The following AHRR variants were observed in gnomAD, a reference collection of about 807,000 sequenced individuals.
AHRR encodes aryl hydrocarbon receptor repressor, also known as ahR repressor.
In AHRR, 28 loss-of-function variants were observed where a neutral mutation model predicts 44.0. The observed-to-expected ratio is 0.64, with a 90% CI of 0.47 to 0.87. The LOEUF (loss-of-function observed/expected upper bound fraction) is 0.87. Among genes scored for constraint, AHRR ranks in the 40% least tolerant of loss-of-function variants. The pLI, the probability that AHRR is intolerant of heterozygous loss-of-function variation, is 0.00. For synonymous variants in AHRR, 434 were observed against 407.0 expected (o/e 1.07, Z -0.80); for missense variants, 990 against 953.9 (o/e 1.04, Z -0.50).
In AHRR at chr5:415,269, C is replaced by T. The variant is rs552928216; in HGVS notation, c.441+1836C>T. Among the ~76,000 whole-genome samples, 20 of 152,322 alleles carry T rather than the reference C, an allele frequency of 1.3e-4. 1 individual carries two copies. In the South Asian group the frequency reaches 4.1e-3, roughly 32 times the overall value. ...GCCAGCATTCACGCTGAGCCAGAGG[C>T]AGCACACGGTGATTAAAGCAAAAAT... is the stretch of plus-strand genomic sequence containing the variant. On this transcript the variant is annotated intron_variant, in intron 5 of 10. Transcript: ENST00000684583.
At chr5:426,645 A>G (rs867074404) in intron 7 of AHRR, among the ~76,000 whole-genome samples, 7 of 138,598 alleles carry the variant, frequency 5.1e-5, no homozygotes, top group Admixed American at 7.1e-5. Context: ...ATGGATGGAT[A>G]GATAGAAAGA....
rs559270149 is a variant in AHRR at position 326,286 on chromosome 5, G to A, written c.-11+4467G>A. ...CCTGCTCCCAGGTCCTGGCCACCAC[G>A]AACCTTTTTATCTGAGTTTGCCTAC... On this transcript the variant is annotated intron_variant, in intron 1 of 10. Transcript: ENST00000684583. The surrounding 1 kb of genome is among the most constrained non-coding windows in gnomAD (Gnocchi z 4.1). Among the ~76,000 whole-genome samples, 3 of 152,314 alleles carry A rather than the reference G, an allele frequency of 2.0e-5. No individual in the cohort carries two copies. The highest frequency in any genetic ancestry group is 6.5e-5 in the Admixed American group (1 of 15,296).
At chr5:403,863 A>T in intron 4 of AHRR, 1 of 1,588,168 alleles carries the variant, frequency 6.3e-7, no homozygotes, top group Non-Finnish European at 8.6e-7. Flanking sequence ...CCCACATTAA[A>T]GCTTTTCCTC....
At chr5:423,108 T>C (rs567379889) in intron 6 of AHRR, among the ~76,000 whole-genome samples, 1 of 152,286 alleles carries the variant, frequency 6.6e-6, no homozygotes, top group Non-Finnish European at 1.5e-5. Flanking sequence ...CTGCCAGGCT[T>C]GAGGTCACCG....
chr5:377,695 G>A (rs1437530881), intron 4 of AHRR, among the ~76,000 whole-genome samples: 72 of 152,320 alleles, frequency 4.7e-4, no homozygotes, highest in Non-Finnish European at 1.0e-4. Flanking sequence ...CCCCCAGCTC[G>A]CTCTACTCTG....
Position 328,255 on chromosome 5 carries a change from A to ATTTT in AHRR, c.-11+6463_-11+6466dup, listed in dbSNP as rs70955232. ...TTCTCTGCATCCTCACCAACATCTG[A>ATTTT]TTTTTTTTTTTTTTTTTTTTTTTTT... On this transcript the variant is annotated intron_variant, in intron 1 of 10. Coordinates refer to ENST00000684583, the MANE Select transcript of AHRR (RefSeq NM_001377236.1). Among the ~76,000 whole-genome samples the ATTTT allele has an allele frequency of 7.5e-3, 408 of 54,284 alleles. 89 individuals carry two copies. Among genetic ancestry groups the ATTTT allele is most frequent in the African/African-American group, 0.011 (193 of 16,806 alleles). 35.6% of individuals were successfully genotyped at this position (54,284 alleles called of 152,430 possible).
chr5:427,487 C>T (rs138084836), intron 7 of AHRR: 264 of 918,656 alleles, frequency 2.9e-4, no homozygotes, highest in East Asian at 3.5e-4. Context: ...GTCCCACAGG[C>T]GCAGTTCGTG....
Position 406,577 on chromosome 5 carries a change from A to G in AHRR, c.352-6767A>G, listed in dbSNP as rs1735269089. 6.6e-6 allele frequency among the ~76,000 whole-genome samples: 1 copy of G among 152,256 alleles called. No homozygotes were observed. Among genetic ancestry groups the G allele is most frequent in the Non-Finnish European group, 1.5e-5 (1 of 68,046 alleles). ...AGAAAATACTCAAGCTGGTTAGGCT[A>G]TTCAAGAACATAGAAAGGGATAGAA... On this transcript the variant is annotated intron_variant, in intron 4 of 10. Transcript: ENST00000684583. The surrounding 1 kb of genome is among the most constrained non-coding windows in gnomAD (Gnocchi z 4.7).
chr5:372,439 G>A (rs188755681), intron 3 of AHRR, among the ~76,000 whole-genome samples: 6 of 152,282 alleles, frequency 3.9e-5, no homozygotes, highest in Non-Finnish European at 5.9e-5. Context: ...ACAAAGGGAC[G>A]TCCTCTTCTG....
chr5:375,524 G>A (rs534979732), intron 3 of AHRR, among the ~76,000 whole-genome samples: 3 of 152,360 alleles, frequency 2.0e-5, no homozygotes, highest in South Asian at 2.1e-4. Context: ...GCTGCCCACC[G>A]TGAAGGACGG....
At chr5:399,347 T>A (rs1357044967) in intron 4 of AHRR, among the ~76,000 whole-genome samples, 1 of 152,106 alleles carries the variant, frequency 6.6e-6, no homozygotes, top group African/African-American at 2.4e-5. Context: ...TGTTTATGAG[T>A]TGTAAGTCTG....
At chr5:325,294 T>A (rs553984778) in intron 1 of AHRR, among the ~76,000 whole-genome samples, 1 of 152,152 alleles carries the variant, frequency 6.6e-6, no homozygotes, top group Non-Finnish European at 1.5e-5. Flanking sequence ...CTGGTGTAGG[T>A]CACCCTATCC....
chr5:428,905 C>G (rs1199340158), intron 8 of AHRR, among the ~76,000 whole-genome samples: 3 of 151,066 alleles, frequency 2.0e-5, no homozygotes, highest in Non-Finnish European at 3.0e-5. Context: ...CCCAGCTGAG[C>G]TGACAGGCAG....
chr5:403,262 A>G (rs993081270), intron 4 of AHRR, among the ~76,000 whole-genome samples: 2 of 151,980 alleles, frequency 1.3e-5, no homozygotes, highest in Non-Finnish European at 2.9e-5. Flanking sequence ...GGAGGGTGGG[A>G]ATGTTCTGAA....
rs746104566 is a variant in AHRR, at chr5:427,946, TGAG to T, written c.852_854del (p.Arg284del). On this transcript the variant is annotated inframe_deletion, in exon 8 of 11. Transcript: ENST00000684583. Reference sequence around the variant, plus strand: ...CTCCCCTCCGCAGCGGAGATGAAAATGAGGAGCGCGCTCCTGAGGGCAAAACCC... The same window carrying T: ...CTCCCCTCCGCAGCGGAGATGAAAATGAGCGCGCTCCTGAGGGCAAAACCC... 2.4e-5 allele frequency: 39 copies of T among 1,613,826 alleles called. No individual in the cohort carries two copies. The highest frequency in any genetic ancestry group is 3.1e-5 in the Non-Finnish European group (36 of 1,180,028).
chr5:373,415 G>T (rs182589015), intron 3 of AHRR, among the ~76,000 whole-genome samples: 236 of 152,332 alleles, frequency 1.5e-3, no homozygotes, highest in African/African-American at 5.4e-3. Flanking sequence ...TGGCCTCTGC[G>T]GTCTTGGAGG....
At chr5:386,530 T>C (rs1010040436) in intron 4 of AHRR, among the ~76,000 whole-genome samples, 2 of 152,242 alleles carry the variant, frequency 1.3e-5, no homozygotes, top group Non-Finnish European at 2.9e-5. Flanking sequence ...TAGCTGGCCT[T>C]GGCCCTGAGC....
At chr5:340,285 G>A (rs899254460) in intron 1 of AHRR, among the ~76,000 whole-genome samples, 1 of 151,870 alleles carries the variant, frequency 6.6e-6, no homozygotes, top group Admixed American at 6.6e-5. Context: ...TGAATTTTTG[G>A]GATAGTATTT....
Position 432,787 on chromosome 5 carries a change from C to G in AHRR, c.971-19C>G, listed in dbSNP as rs766508755. 2.2e-5 allele frequency: 36 copies of G among 1,613,790 alleles called. No individual in the cohort carries two copies. The highest frequency in any genetic ancestry group is 1.6e-4 in the Middle Eastern group (1 of 6,084). ...CAGCTCGCACCGTGACGGCTTCCCC[C>G]CCCTCTAAACCCCAACAGGAAGGAG... On this transcript the variant is annotated intron_variant, in intron 9 of 10. Transcript: ENST00000684583.
Sources: allele counts gnomAD v4.1 joint callset (sites outside exome capture counted in the v4.1 genomes callset), GRCh38; gene constraint gnomAD v4.1.1; non-coding constraint Gnocchi (gnomAD v3.1); transcripts MANE v1.5; gene names NCBI Gene and HGNC (gene_info 2026-07-23, HGNC 2026-07-21).